The following FHIT variants were observed in gnomAD, a reference collection of about 807,000 sequenced individuals.
FHIT encodes fragile histidine triad diadenosine triphosphatase, also known as bis(5'-adenosyl)-triphosphatase.
FHIT carries 19 observed loss-of-function variants against 17.9 expected under a neutral mutation model. The ratio of observed to expected loss-of-function variants is 1.06; its 90% CI spans 0.74 to 1.56. The LOEUF is 1.56. Ranked by LOEUF, FHIT falls within the 40% of genes most tolerant of loss-of-function variation. FHIT has a pLI of 0.00. For missense variants in FHIT, 248 were observed against 189.2 expected (o/e 1.31, Z -1.82); for synonymous variants, 81 against 69.7 (o/e 1.16, Z -0.81).
chr3:59,849,952 C>T (rs1033819310), intron 8 of FHIT, among the ~76,000 whole-genome samples: 1 of 152,150 alleles, frequency 6.6e-6, no homozygotes, highest in Admixed American at 6.5e-5. Context: ...TATAGATACA[C>T]AACTATATGC....
chr3:60,961,719 G>C (rs781921195), intron 3 of FHIT, among the ~76,000 whole-genome samples: 1 of 152,156 alleles, frequency 6.6e-6, no homozygotes, highest in African/African-American at 2.4e-5. Context: ...TGTCAGGTTT[G>C]TCAAAGATCA....
intron 5 of FHIT, among the ~76,000 whole-genome samples, chr3:60,203,506 G>GT (rs1413479382): frequency 6.6e-6 from 1 of 152,146 alleles, no homozygotes; most frequent in Non-Finnish European, 1.5e-5. Context: ...CACACCAAGA[G>GT]TTTTTATCAC....
At chr3:60,368,352 C>G (rs1700194395) in intron 5 of FHIT, among the ~76,000 whole-genome samples, 2 of 151,940 alleles carry the variant, frequency 1.3e-5, no homozygotes, top group African/African-American at 4.8e-5. Context: ...AGTGGTATCT[C>G]ATTCCTGTTT....
In FHIT at chr3:60,845,252, AT is replaced by A. The variant is rs544801165; in HGVS notation, c.-110-23242del. ...TTAATCCACTTTCTTAAAAAATAAA[AT>A]TTTTTTTGTGATGCAGAATTATGTG... On this transcript the variant is annotated intron_variant, in intron 3 of 9. Transcript: ENST00000492590. Among the ~76,000 whole-genome samples the A allele has an allele frequency of 4.4e-3, 675 of 152,000 alleles. 7 individuals are homozygous for A. Among genetic ancestry groups the A allele is most frequent in the African/African-American group, 0.015 (618 of 41,510 alleles).
chr3:61,018,509 C>G (rs1410462331), intron 3 of FHIT, among the ~76,000 whole-genome samples: 1 of 152,160 alleles, frequency 6.6e-6, no homozygotes, highest in African/African-American at 2.4e-5. Flanking sequence ...AGGGATTTGA[C>G]TGTGAAACAA....
Position 59,986,686 on chromosome 3 carries a change from TTAGTTTTATATATATTTA to T in FHIT, c.279+24667_279+24684del, listed in dbSNP as rs1299834755. Reference sequence around the variant, plus strand: ...TTATATTTATAATATATTTACATATTTAGTTTTATATATATTTATATAAATATATACATATATTTATAT... The same window carrying T: ...TTATATTTATAATATATTTACATATTTATAAATATATACATATATTTATAT... On this transcript the variant is annotated intron_variant, in intron 7 of 9. Coordinates refer to ENST00000492590, the MANE Select transcript of FHIT (RefSeq NM_002012.4). Among the ~76,000 whole-genome samples the T allele has an allele frequency of 2.4e-4, 5 of 20,688 alleles. 1 individual carries two copies. The highest frequency in any genetic ancestry group is 1.4e-3 in the African/African-American group (5 of 3,464). 13.6% of individuals were successfully genotyped at this position (20,688 alleles called of 152,430 possible).
chr3:60,582,000 G>T (rs1269954638), intron 4 of FHIT, among the ~76,000 whole-genome samples: 1 of 151,938 alleles, frequency 6.6e-6, no homozygotes, highest in East Asian at 1.9e-4. Flanking sequence ...GTGAGGGCAG[G>T]ATTTTTGCTT....
intron 5 of FHIT, among the ~76,000 whole-genome samples, chr3:60,167,418 A>G (rs558566884): frequency 6.6e-6 from 1 of 152,166 alleles, no homozygotes; most frequent in South Asian, 2.1e-4. Context: ...GCATATGTGT[A>G]CACACACACA....
chr3:60,228,356 G>A (rs1704315016), intron 5 of FHIT, among the ~76,000 whole-genome samples: 1 of 152,112 alleles, frequency 6.6e-6, no homozygotes, highest in African/African-American at 2.4e-5. Context: ...TTTCTTTTGG[G>A]AAGACGAAAA....
At chr3:60,019,186 G>T (rs1010272518) in intron 5 of FHIT, among the ~76,000 whole-genome samples, 1 of 152,052 alleles carries the variant, frequency 6.6e-6, no homozygotes, top group Admixed American at 6.6e-5. Flanking sequence ...CTCTGAATTT[G>T]CTTAAGGCTT....
chr3:60,682,826 G>A (rs1382717394), intron 4 of FHIT, among the ~76,000 whole-genome samples: 3 of 152,190 alleles, frequency 2.0e-5, no homozygotes, highest in Non-Finnish European at 4.4e-5. Context: ...TCTGGGCAAA[G>A]TAAAATGAAA....
intron 5 of FHIT, among the ~76,000 whole-genome samples, chr3:60,020,877 C>T (rs1169286346): frequency 6.6e-6 from 1 of 152,242 alleles, no homozygotes; most frequent in East Asian, 1.9e-4. Flanking sequence ...AACGTAAGCA[C>T]TTTGATGGAT....
intron 5 of FHIT, among the ~76,000 whole-genome samples, chr3:60,135,687 T>A (rs959839476): frequency 6.6e-6 from 1 of 151,980 alleles, no homozygotes; most frequent in Admixed American, 6.6e-5. Flanking sequence ...TGAGCAGAGG[T>A]CTCAGCAGCA....
At chr3:60,631,681 T>C (rs1232656695) in intron 4 of FHIT, among the ~76,000 whole-genome samples, 1 of 152,152 alleles carries the variant, frequency 6.6e-6, no homozygotes, top group African/African-American at 2.4e-5. Context: ...CATCAAATTG[T>C]CTCTCTGGGC....
intron 5 of FHIT, among the ~76,000 whole-genome samples, chr3:60,174,737 T>C (rs1417378060): frequency 6.6e-6 from 1 of 152,174 alleles, no homozygotes; most frequent in Non-Finnish European, 1.5e-5. Context: ...TTCATAATAT[T>C]GCACAATTAT....
At chr3:60,462,167 G>A (rs1206927537) in intron 5 of FHIT, among the ~76,000 whole-genome samples, 1 of 152,152 alleles carries the variant, frequency 6.6e-6, no homozygotes, top group Non-Finnish European at 1.5e-5. Context: ...ATGGAAGGAT[G>A]ATCATTACAT....
intron 2 of FHIT, among the ~76,000 whole-genome samples, chr3:61,112,321 A>C (rs1047041919): frequency 2.0e-5 from 3 of 151,672 alleles, no homozygotes; most frequent in Non-Finnish European, 4.4e-5. Flanking sequence ...ATAACTAAAA[A>C]TGGGACAGGA....
At chr3:61,230,808 A>T (rs573017652) in intron 1 of FHIT, among the ~76,000 whole-genome samples, 47 of 152,294 alleles carry the variant, frequency 3.1e-4, no homozygotes, top group Admixed American at 2.2e-3. Context: ...TAATTCAAAA[A>T]TTATGTTTAC....
rs539429935 is a variant in FHIT, at chr3:60,282,372, C to T, written c.103+254488G>A. Among the ~76,000 whole-genome samples the T allele has an allele frequency of 8.9e-4, 135 of 152,122 alleles. 1 individual carries two copies. Among genetic ancestry groups the T allele is most frequent in the African/African-American group, 2.8e-3 (118 of 41,496 alleles). ...GTGGAGGCACCTTACAGACATACTGCCATATGACATTATGGAAAAGGGAAA... is the reference window on the plus strand; with the variant it reads ...GTGGAGGCACCTTACAGACATACTGTCATATGACATTATGGAAAAGGGAAA... On this transcript the variant is annotated intron_variant, in intron 5 of 9. Transcript: ENST00000492590.
Sources: gnomAD v4.1 joint callset for allele counts (sites outside exome capture counted in the v4.1 genomes callset) on GRCh38, gnomAD v4.1.1 for gene constraint, MANE v1.5 for transcripts, NCBI Gene and HGNC (gene_info 2026-07-23, HGNC 2026-07-21) for gene names.